The following ASIC2 variants were observed in gnomAD, a reference collection of about 807,000 sequenced individuals.
ASIC2 encodes the protein acid-sensing ion channel 2.
ASIC2 carries 25 observed loss-of-function variants against 57.3 expected under a neutral mutation model. The ratio of observed to expected loss-of-function variants is 0.44; its 90% CI spans 0.32 to 0.61. ASIC2 has a LOEUF of 0.61. ASIC2 is among the 20% of genes least tolerant of loss of function. The pLI, the probability that ASIC2 is intolerant of heterozygous loss-of-function variation, is 0.06. For missense variants in ASIC2, 641 were observed against 738.1 expected (o/e 0.87, Z 1.52); for synonymous variants, 319 against 307.5 (o/e 1.04, Z -0.39).
Position 33,662,358 on chromosome 17 carries a change from C to T in ASIC2, c.555+493620G>A, listed in dbSNP as rs150132705. Among the ~76,000 whole-genome samples the T allele has an allele frequency of 2.6e-4, 39 of 152,198 alleles. No individual in the cohort carries two copies. The East Asian group carries it at 5.4e-3, about 21-fold the overall frequency. On this transcript the variant is annotated intron_variant, in intron 1 of 9. Coordinates refer to the ASIC2 transcript ENST00000359872. Reference sequence around the variant, plus strand: ...TACTCAAGCCAGGCATGGTGGCTCACGCTTGTAATTTCAGCACTTTGGGAG... The same window carrying T: ...TACTCAAGCCAGGCATGGTGGCTCATGCTTGTAATTTCAGCACTTTGGGAG...
At chr17:33,943,201 GTATTAGTC>G (rs1288013578) in intron 1 of ASIC2, among the ~76,000 whole-genome samples, 1 of 152,166 alleles carries the variant, frequency 6.6e-6, no homozygotes, top group Non-Finnish European at 1.5e-5. Flanking sequence ...AAAATATAAG[GTATTAGTC>G]TATCTGTCTT....
intron 1 of ASIC2, among the ~76,000 whole-genome samples, chr17:33,832,531 A>AAG (rs1293053398): frequency 2.6e-5 from 4 of 152,332 alleles, no homozygotes; most frequent in African/African-American, 9.6e-5. Context: ...CTACAAATCA[A>AAG]AGGTTGAAGG....
intron 1 of ASIC2, among the ~76,000 whole-genome samples, chr17:33,321,816 G>A (rs183532001): frequency 6.6e-6 from 1 of 152,296 alleles, no homozygotes; most frequent in Admixed American, 6.5e-5. Flanking sequence ...TTAATGTGAA[G>A]CATGCTGCCA....
chr17:33,405,673 G>C (rs1413591681), intron 1 of ASIC2, among the ~76,000 whole-genome samples: 5 of 151,700 alleles, frequency 3.3e-5, no homozygotes, highest in African/African-American at 1.2e-4. Flanking sequence ...TAGTAGAGAC[G>C]GGGTTTCAAC....
At chr17:33,737,548 T>C (rs767787477) in intron 1 of ASIC2, among the ~76,000 whole-genome samples, 1 of 149,628 alleles carries the variant, frequency 6.7e-6, no homozygotes, top group Non-Finnish European at 1.5e-5. Flanking sequence ...AGACCGCTTA[T>C]AGGTTTATTT....
At chr17:34,132,216 G>A (rs1041191468) in intron 1 of ASIC2, among the ~76,000 whole-genome samples, 4 of 152,088 alleles carry the variant, frequency 2.6e-5, no homozygotes, top group South Asian at 2.1e-4. Context: ...GGTTCCTCCC[G>A]GTAAGTTCGT....
At chr17:33,022,741 A>C (rs1366639051) in intron 6 of ASIC2, among the ~76,000 whole-genome samples, 1 of 152,218 alleles carries the variant, frequency 6.6e-6, no homozygotes, top group Non-Finnish European at 1.5e-5. Flanking sequence ...ACAGAGAACA[A>C]AAAAGATAGT....
chr17:33,924,238 A>AG (rs1915774951), intron 1 of ASIC2, among the ~76,000 whole-genome samples: 1 of 152,242 alleles, frequency 6.6e-6, no homozygotes, highest in African/African-American at 2.4e-5. Flanking sequence ...TGTGAGGAAC[A>AG]GCCCAGCGTG....
intron 3 of ASIC2, among the ~76,000 whole-genome samples, chr17:33,059,913 A>G (rs548802550): frequency 1.3e-5 from 2 of 152,324 alleles, no homozygotes; most frequent in East Asian, 3.9e-4. Flanking sequence ...ATGGCCAGTG[A>G]TGATGAGCAT....
At chr17:34,022,089 G>A (rs1028726714) in intron 1 of ASIC2, among the ~76,000 whole-genome samples, 25 of 152,056 alleles carry the variant, frequency 1.6e-4, no homozygotes, top group African/African-American at 5.8e-4. Flanking sequence ...CGCCCACCTC[G>A]GCCTTCCAAA....
intron 1 of ASIC2, among the ~76,000 whole-genome samples, chr17:33,655,625 C>T (rs1043299186): frequency 1.3e-5 from 2 of 152,182 alleles, no homozygotes; most frequent in African/African-American, 2.4e-5. Context: ...AGGCCCTGTC[C>T]CTTAATTACC....
At chr17:33,706,168 ATGTGTG>A (rs71364613) in intron 1 of ASIC2, among the ~76,000 whole-genome samples, 135 of 147,008 alleles carry the variant, frequency 9.2e-4, no homozygotes, top group Non-Finnish European at 1.2e-3. Flanking sequence ...CTGTAGTCAT[ATGTGTG>A]TGTGTGTGTA....
chr17:33,655,559 C>T (rs1907050666), intron 1 of ASIC2, among the ~76,000 whole-genome samples: 1 of 152,226 alleles, frequency 6.6e-6, no homozygotes. Context: ...TCTTGCTTGT[C>T]TATCTTGGGC....
intron 1 of ASIC2, among the ~76,000 whole-genome samples, chr17:33,693,629 T>C (rs1478518816): frequency 6.6e-6 from 1 of 152,156 alleles, no homozygotes; most frequent in Non-Finnish European, 1.5e-5. Context: ...CTCAAAGGAA[T>C]GTTGAGAACC....
intron 2 of ASIC2, among the ~76,000 whole-genome samples, chr17:33,094,311 A>C (rs1446421920): frequency 2.6e-5 from 4 of 152,090 alleles, no homozygotes; most frequent in Non-Finnish European, 5.9e-5. Flanking sequence ...GGAAGGCCAC[A>C]GCTCCGGGTT....
intron 1 of ASIC2, among the ~76,000 whole-genome samples, chr17:33,930,380 G>A (rs1268821009): frequency 3.3e-5 from 5 of 152,172 alleles, no homozygotes; most frequent in African/African-American, 1.2e-4. Context: ...CCTGTAGCTT[G>A]TTCTTATTCC....
intron 1 of ASIC2, among the ~76,000 whole-genome samples, chr17:33,511,740 A>G (rs1340462855): frequency 3.9e-5 from 6 of 152,198 alleles, no homozygotes; most frequent in African/African-American, 1.2e-4. Context: ...ATGGTCTTTG[A>G]AAAACCCAAA....
At chr17:33,613,060 A>G (rs951867043) in intron 1 of ASIC2, among the ~76,000 whole-genome samples, 5 of 152,194 alleles carry the variant, frequency 3.3e-5, no homozygotes, top group Non-Finnish European at 5.9e-5. Context: ...GAATTACCAG[A>G]GAGCCTTGGG....
chr17:33,742,831 G>A (rs113739083), intron 1 of ASIC2, among the ~76,000 whole-genome samples: 88 of 152,326 alleles, frequency 5.8e-4, no homozygotes, highest in African/African-American at 1.9e-3. Flanking sequence ...CACACGCACC[G>A]TTCCTGGGTG....
Sources: allele counts gnomAD v4.1 joint callset (sites outside exome capture counted in the v4.1 genomes callset), GRCh38; gene constraint gnomAD v4.1.1; transcripts MANE v1.5; gene names NCBI Gene and HGNC (gene_info 2026-07-23, HGNC 2026-07-21).